Variants in HELZ observed in about 807,000 individuals in gnomAD.
HELZ encodes the protein helicase with zinc finger, also known as ATP-dependent RNA helicase with zinc finger domain.
Under a neutral mutation model 218.2 loss-of-function variants are expected in HELZ, and 23 were observed. The observed-to-expected ratio is 0.11, with a 90% confidence interval of 0.08 to 0.15. The LOEUF (loss-of-function observed/expected upper bound fraction) is 0.15. HELZ is among the 10% of genes least tolerant of loss of function. HELZ has a pLI of 1.00. For missense variants in HELZ, 1,813 were observed against 2,353.7 expected (o/e 0.77, Z 4.75); for synonymous variants, 814 against 829.4 (o/e 0.98, Z 0.32).
chr17:67,141,370 T>C lies in HELZ; in HGVS notation c.2770-3256A>G, dbSNP rs532104044. On this transcript the variant is annotated intron_variant, in intron 21 of 32. Transcript: ENST00000358691. ...ATCCACAAAGAGAAGTGAAGGTTAA[T>C]ACAGCAAACTCCATAAATATGTACT... 4.6e-5 allele frequency among the ~76,000 whole-genome samples: 7 copies of C among 152,138 alleles called. No homozygotes were observed. The South Asian group carries it at 1.4e-3, about 31-fold the overall frequency.
intron 32 of HELZ, among the ~76,000 whole-genome samples, 199 bp downstream of exon 32, chr17:67,086,630 A>AT (rs1491544728): frequency 0.031 from 1,595 of 52,040 alleles, 21 homozygotes; most frequent in African/African-American, 0.069. Flanking sequence ...ATATAAATAT[A>AT]AATATATATA....
intron 13 of HELZ, among the ~76,000 whole-genome samples, chr17:67,175,088 G>A (rs1194292051): frequency 6.6e-6 from 1 of 152,174 alleles, no homozygotes; most frequent in East Asian, 1.9e-4. Context: ...GGTGATTTGG[G>A]TTTGCTCTGA....
intron 15 of HELZ, among the ~76,000 whole-genome samples, chr17:67,164,010 T>C (rs1483850056): frequency 6.6e-6 from 1 of 152,216 alleles, no homozygotes; most frequent in Non-Finnish European, 1.5e-5. Flanking sequence ...GAAGTGAGCA[T>C]ATCAAGAAAA....
chr17:67,075,693 G>A lies in HELZ; in HGVS notation c.*2559C>T, dbSNP rs1164589401. 1 of 152,202 alleles carries A rather than the reference G, an allele frequency of 6.6e-6. No individual in the cohort carries two copies. The highest frequency in any genetic ancestry group is 1.5e-5 in the Non-Finnish European group (1 of 68,032). 9.4% of individuals were successfully genotyped at this position (152,202 alleles called of 1,614,324 possible). On this transcript the variant is annotated 3_prime_UTR_variant, in exon 33 of 33. Coordinates refer to ENST00000358691, the MANE Select transcript of HELZ (RefSeq NM_014877.4). The stretch of plus-strand genomic sequence containing the variant: ...GGTTGGAAAGATGGCATTATGTAAT[G>A]CTGAGGAAGAGTAAGCTTGTTGTAA...
intron 31 of HELZ, among the ~76,000 whole-genome samples, chr17:67,097,112 C>G (rs139922300): frequency 1.3e-5 from 2 of 152,254 alleles, no homozygotes; most frequent in African/African-American, 4.8e-5. Flanking sequence ...CCCAAGGAGA[C>G]TAAGTGATGG....
Position 67,216,641 on chromosome 17 carries a change from C to T in HELZ, c.211-706G>A, listed in dbSNP as rs150975029. Among the ~76,000 whole-genome samples the T allele has an allele frequency of 1.3e-3, 195 of 152,036 alleles. 1 individual carries two copies. The highest frequency in any genetic ancestry group is 4.3e-3 in the African/African-American group (180 of 41,454). On this transcript the variant is annotated intron_variant, in intron 4 of 32. Transcript: ENST00000358691. ...TTCAATTCCTTCCCCCAATTCTCTCCTAAGCCCTCTTTTTAAGCAGACTTT... is the reference window on the plus strand; with the variant it reads ...TTCAATTCCTTCCCCCAATTCTCTCTTAAGCCCTCTTTTTAAGCAGACTTT...
chr17:67,073,781 T>C lies in HELZ; in HGVS notation c.*4471A>G, dbSNP rs1366317688. 1 of 152,184 alleles carries C rather than the reference T, an allele frequency of 6.6e-6. No homozygotes were observed. Among genetic ancestry groups the C allele is most frequent in the Non-Finnish European group, 1.5e-5 (1 of 68,030 alleles). 9.4% of individuals were successfully genotyped at this position (152,184 alleles called of 1,614,324 possible). A position where few individuals can be genotyped will look rare whatever the true frequency, so the allele number is the denominator to read the frequency against. ...TAATAACAGGATGTGTTTAGTAAGA[T>C]TCACTCCTTGCAACAATGGTCTTGA... is the stretch of plus-strand genomic sequence containing the variant. On this transcript the variant is annotated 3_prime_UTR_variant, in exon 33 of 33. Coordinates refer to ENST00000358691, the MANE Select transcript of HELZ (RefSeq NM_014877.4).
chr17:67,119,746 T>C (rs897907510), intron 27 of HELZ, among the ~76,000 whole-genome samples: 2 of 152,132 alleles, frequency 1.3e-5, no homozygotes, highest in African/African-American at 4.8e-5. Flanking sequence ...CACAAAAATA[T>C]TTCGAGTTAA....
chr17:67,172,318 A>G (rs1488523636), intron 13 of HELZ, among the ~76,000 whole-genome samples: 2 of 152,128 alleles, frequency 1.3e-5, no homozygotes, highest in Non-Finnish European at 2.9e-5. Flanking sequence ...ACATTTTATT[A>G]TAACCCTGTA....
rs752039372 is a variant in HELZ, at chr17:67,136,056, C to T, written c.3096G>A (p.Lys1032=). 25 of 1,613,780 alleles carry T rather than the reference C, an allele frequency of 1.5e-5. No individual in the cohort carries two copies. Among genetic ancestry groups the T allele is most frequent in the Admixed American group, 1.3e-4 (8 of 59,964 alleles). Residue 1032 remains lysine, a synonymous_variant, in exon 23 of 33, where the codon AAG becomes AAA. Transcript: ENST00000358691. ...DLDYGFLSNY[K]LLNTAITRAQ... ...CTCTTGTGATGGCAGTATTGAGAAG[C>T]TTGTAGTTAGATAAAAAACCATAAT...
intron 28 of HELZ, among the ~76,000 whole-genome samples, chr17:67,112,318 TGA>T (rs2037303402): frequency 1.3e-5 from 2 of 152,190 alleles, no homozygotes; most frequent in South Asian, 4.1e-4. Context: ...AACAAGGACA[TGA>T]GAGACACTTA....
intron 13 of HELZ, among the ~76,000 whole-genome samples, 173 bp from the exon 14 acceptor site, chr17:67,167,969 C>A (rs1478655565): frequency 1.3e-5 from 2 of 148,484 alleles, no homozygotes; most frequent in Admixed American, 1.3e-4. Context: ...AAGCTGGAAA[C>A]AACAAAAAAA....
chr17:67,116,585 A>C (rs2037433633), intron 27 of HELZ, among the ~76,000 whole-genome samples: 2 of 152,148 alleles, frequency 1.3e-5, no homozygotes, highest in Non-Finnish European at 2.9e-5. Flanking sequence ...CAAACCAGAG[A>C]ATATTTTCAG....
At chr17:67,245,531 C>A (rs1356670522), upstream of HELZ, 1 of 984,620 alleles carries the variant, frequency 1.0e-6, no homozygotes, top group African/African-American at 1.7e-5. Context: ...GTTTCCTTGC[C>A]GCCCGCGGCG....
At chr17:67,119,111 T>G (rs962014299) in intron 27 of HELZ, among the ~76,000 whole-genome samples, 1 of 152,208 alleles carries the variant, frequency 6.6e-6, no homozygotes, top group Non-Finnish European at 1.5e-5. Context: ...GGCAGTTTCT[T>G]ATAAAGTTAA....
Position 67,107,636 on chromosome 17 carries a change from G to A in HELZ, c.4774C>T (p.Arg1592Trp), listed in dbSNP as rs549102638. The change falls in exon 31 of 33, where the codon CGG (arginine) becomes TGG (tryptophan). Residue 1592 changes from arginine to tryptophan, a missense_variant. Coordinates refer to ENST00000358691, the MANE Select transcript of HELZ (RefSeq NM_014877.4). ...ELSHRDQSET[R>W]ELAEMPPPQS... ...GGTGGTGGCATTTCAGCTAGTTCCCGTGTTTCACTTTGATCACGATGAGAC... is the reference window on the plus strand; with the variant it reads ...GGTGGTGGCATTTCAGCTAGTTCCCATGTTTCACTTTGATCACGATGAGAC... The A allele has an allele frequency of 3.4e-5, 55 of 1,613,996 alleles. No individual in the cohort carries two copies. The African/African-American group carries it at 3.9e-4, about 11-fold the overall frequency.
In HELZ at chr17:67,145,762, G is replaced by A. The variant is rs1170628575; in HGVS notation, c.2750C>T (p.Ala917Val). 2 of 1,609,626 alleles carry A rather than the reference G, an allele frequency of 1.2e-6. No individual in the cohort carries two copies. The highest frequency in any genetic ancestry group is 1.1e-5 in the South Asian group (1 of 90,500). ...GEDVQEKNST[A>V]FYNNAEVFEV... ...AGGTACCTCTGCATTATTATAAAAA[G>A]CTGTGCTATTTTTTTCTTGTACATC... Residue 917 changes from alanine to valine, a missense_variant, in exon 21 of 33, where the codon GCT (alanine) becomes GTT (valine). Coordinates refer to ENST00000358691, the MANE Select transcript of HELZ (RefSeq NM_014877.4).
At chr17:67,203,233 A>T (rs1355007110) in intron 6 of HELZ, 86 bp downstream of exon 6, 1 of 1,372,528 alleles carries the variant, frequency 7.3e-7, no homozygotes, top group Non-Finnish European at 1.0e-6. Flanking sequence ...AGAAAAAAAG[A>T]TACACTTTTT....
At position 67,078,586 on chromosome 17, in the gene HELZ, G is replaced by A. The variant is rs201001169; in HGVS notation, c.5495C>T (p.Ala1832Val). 7.8e-5 allele frequency: 115 copies of A among 1,469,496 alleles called. No homozygotes were observed. The highest frequency in any genetic ancestry group is 7.7e-4 in the South Asian group (50 of 65,138). 91.0% of individuals were successfully genotyped at this position (1,469,496 alleles called of 1,614,324 possible). ...AGGGGGTTTGACAGTCTTGGGTGGCGCTAAAAGCAGAGAACAGTGACACAG... is the reference window on the plus strand; with the variant it reads ...AGGGGGTTTGACAGTCTTGGGTGGCACTAAAAGCAGAGAACAGTGACACAG... ...SRTAQPRELI[A>V]PPKTVKPPED... The change falls in exon 33 of 33, where the codon GCG (alanine) becomes GTG (valine). Residue 1832 changes from alanine to valine, a missense_variant and splice_region_variant. Physicochemically the swap from Ala to Val is moderately conservative, Grantham distance 64 (BLOSUM62 0). This residue lies in a region of HELZ where 938 missense variants were observed against 1,027.5 expected (regional missense o/e 0.91). Coordinates refer to ENST00000358691, the MANE Select transcript of HELZ (RefSeq NM_014877.4).
Sources: allele counts gnomAD v4.1 joint callset (sites outside exome capture counted in the v4.1 genomes callset), GRCh38; gene constraint gnomAD v4.1.1; regional missense constraint gnomAD v4.1.1; transcripts MANE v1.5; gene names NCBI Gene and HGNC (gene_info 2026-07-23, HGNC 2026-07-21).